Variants in RRH observed in about 807,000 individuals in gnomAD.
RRH encodes the protein visual pigment-like receptor peropsin.
In RRH, 36 loss-of-function variants were observed where a neutral mutation model predicts 33.1. The observed-to-expected ratio is 1.09, with a 90% CI of 0.83 to 1.44. The LOEUF (loss-of-function observed/expected upper bound fraction) is 1.44, where lower values mean the gene tolerates loss of function less well. Ranked by LOEUF, RRH falls within the 40% of genes most tolerant of loss-of-function variation. RRH has a pLI of 0.00. For missense variants in RRH, 393 were observed against 420.2 expected, an observed-to-expected ratio of 0.94 and a Z score of 0.57; for synonymous variants, 124 against 140.2, an observed-to-expected ratio of 0.88 and a Z score of 0.82.
chr4:109,836,057 A>G lies in RRH; in HGVS notation c.448A>G (p.Ile150Val), dbSNP rs749159602. 6.2e-7 allele frequency: 1 copy of G among 1,614,218 alleles called. No individual in the cohort carries two copies. The highest frequency in any genetic ancestry group is 8.5e-7 in the Non-Finnish European group (1 of 1,180,028). ...CATCGGCTTGATTCTGGGAGCCTGGATCAATGGCCTGTTTTGGGCTTTGAT... is the reference window on the plus strand; with the variant it reads ...CATCGGCTTGATTCTGGGAGCCTGGGTCAATGGCCTGTTTTGGGCTTTGAT... ...TYIGLILGAW[I>V]NGLFWALMPI... The change falls in exon 4 of 7, where the codon ATC becomes GTC. Residue 150 changes from isoleucine (I) to valine (V), a missense_variant. Ile to Val is a conservative substitution (Grantham distance 29, BLOSUM62 3). Transcript: ENST00000317735.
Position 109,837,453 on chromosome 4 carries a change from A to G in RRH, c.568A>G (p.Thr190Ala). ...TATTTTCAGATCTTTTGTGTCTTAC[A>G]CCATGACAGTTATTGCGATAAATTT... ...RKNDRSFVSYTMTVIAINFIV... is the reference protein window; with the variant it reads ...RKNDRSFVSYAMTVIAINFIV... Residue 190 changes from threonine (T) to alanine (A), a missense_variant, in exon 5 of 7, where the codon ACC becomes GCC. Physicochemically the swap from Thr to Ala is moderately conservative, Grantham distance 58. Coordinates refer to ENST00000317735, the MANE Select transcript of RRH (RefSeq NM_006583.5). 2 of 1,614,074 alleles carry G rather than the reference A, an allele frequency of 1.2e-6. No homozygotes were observed. Among genetic ancestry groups the G allele is most frequent in the Non-Finnish European group, 1.7e-6 (2 of 1,179,928 alleles).
Position 109,833,057 on chromosome 4 carries a change from G to T in RRH, c.107-82G>T, listed in dbSNP as rs1733791819. On this transcript the variant is annotated intron_variant, in intron 1 of 6. Transcript: ENST00000317735. ...AAAATAGATCTGTTATGTTTTTAAA[G>T]GGGCTTAAATATTTAATTTTGAGTC... 3 of 1,130,082 alleles carry T rather than the reference G, an allele frequency of 2.7e-6. No homozygotes were observed. In the Admixed American group the frequency reaches 5.4e-5, roughly 20 times the overall value. The allele number at this position is 1,130,082 out of a possible 1,614,324, so 70.0% of individuals were successfully genotyped here. A position where few individuals can be genotyped will look rare whatever the true frequency, so the allele number is the denominator to read the frequency against.
intron 5 of RRH, among the ~76,000 whole-genome samples, chr4:109,842,255 A>G (rs1265643649): frequency 2.6e-5 from 4 of 152,144 alleles, no homozygotes; most frequent in Non-Finnish European, 5.9e-5. Context: ...TATTCTTGAT[A>G]TACCCATTTC....
chr4:109,838,261 G>A (rs996791103), intron 5 of RRH, among the ~76,000 whole-genome samples: 4 of 152,004 alleles, frequency 2.6e-5, no homozygotes, highest in Admixed American at 2.6e-4. Flanking sequence ...ACAATATTTG[G>A]TTAGATAAAG....
chr4:109,835,002 G>A (rs556516358), intron 2 of RRH, among the ~76,000 whole-genome samples: 10 of 152,090 alleles, frequency 6.6e-5, no homozygotes, highest in South Asian at 2.1e-4. Context: ...TGAATACCCC[G>A]TTCATCATCT....
chr4:109,842,434 G>A (rs764774855), intron 5 of RRH, 35 bp from the exon 6 acceptor site: 4 of 1,571,238 alleles, frequency 2.5e-6, no homozygotes, highest in Non-Finnish European at 3.5e-6. Flanking sequence ...AAATATTTTA[G>A]GTATTGGGCT....
intron 5 of RRH, among the ~76,000 whole-genome samples, chr4:109,840,476 A>T (rs1208563301): frequency 6.6e-6 from 1 of 151,904 alleles, no homozygotes; most frequent in East Asian, 1.9e-4. Context: ...GTTTAATTAG[A>T]TCCTATTTGT....
At chr4:109,831,662 G>A (rs1285868540) in intron 1 of RRH, among the ~76,000 whole-genome samples, 3 of 152,134 alleles carry the variant, frequency 2.0e-5, no homozygotes, top group Non-Finnish European at 2.9e-5. Context: ...AGAAATATGA[G>A]TCAAGCATGG....
chr4:109,833,608 A>G (rs543530869), intron 2 of RRH, among the ~76,000 whole-genome samples: 1 of 152,304 alleles, frequency 6.6e-6, no homozygotes, highest in African/African-American at 2.4e-5. Flanking sequence ...TTGCATATTC[A>G]AATAAATATT....
chr4:109,828,197 A>G, intron 1 of RRH, 64 bp downstream of exon 1: 1 of 1,086,244 alleles, frequency 9.2e-7, no homozygotes, highest in Non-Finnish European at 1.4e-6. Context: ...AGTTTTCAGC[A>G]TAAGGCATGC....
Position 109,844,792 on chromosome 4 carries a change from C to A in RRH, c.*595C>A, listed in dbSNP as rs1238670677. 2.6e-5 allele frequency among the ~76,000 whole-genome samples: 4 copies of A among 152,146 alleles called. No homozygotes were observed. Among genetic ancestry groups the A allele is most frequent in the Non-Finnish European group, 5.9e-5 (4 of 68,018 alleles). The stretch of plus-strand genomic sequence containing the variant: ...TTCTGCAATTTTGAGTACCATTTTT[C>A]TGCATATATATTCCATATATTTGCC... On this transcript the variant is annotated 3_prime_UTR_variant, in exon 7 of 7. Coordinates refer to ENST00000317735, the MANE Select transcript of RRH (RefSeq NM_006583.5).
intron 3 of RRH, 56 bp downstream of exon 3, chr4:109,835,521 C>A: frequency 1.8e-6 from 2 of 1,138,368 alleles, no homozygotes; most frequent in Non-Finnish European, 2.7e-6. Flanking sequence ...AATGGCCACT[C>A]AATATATATA....
intron 1 of RRH, among the ~76,000 whole-genome samples, chr4:109,830,313 TGAAG>T (rs1346547962): frequency 6.6e-6 from 1 of 152,148 alleles, no homozygotes; most frequent in Non-Finnish European, 1.5e-5. Flanking sequence ...AGGGAGTCAC[TGAAG>T]GGTTTGAAAT....
intron 4 of RRH, among the ~76,000 whole-genome samples, chr4:109,836,684 G>A (rs1733890722): frequency 6.6e-6 from 1 of 152,152 alleles, no homozygotes; most frequent in African/African-American, 2.4e-5. Context: ...TAGTTCATTA[G>A]AGGAAATGAA....
chr4:109,835,472 C>A lies in RRH; in HGVS notation c.397+7C>A. 6.3e-7 allele frequency: 1 copy of A among 1,595,908 alleles called. No individual in the cohort carries two copies. Among genetic ancestry groups the A allele is most frequent in the Non-Finnish European group, 8.6e-7 (1 of 1,163,534 alleles). On this transcript the variant is annotated splice_region_variant and intron_variant, in intron 3 of 6. Transcript: ENST00000317735. Reference sequence around the variant, plus strand: ...ATCTGCCTTCCTGACGTAGGTACAACACTTTTCTCAGCTTTCTTAATGAAT... The same window carrying A: ...ATCTGCCTTCCTGACGTAGGTACAAAACTTTTCTCAGCTTTCTTAATGAAT...
At chr4:109,832,907 A>G (rs1201980615) in intron 1 of RRH, among the ~76,000 whole-genome samples, 1 of 152,198 alleles carries the variant, frequency 6.6e-6, no homozygotes, top group African/African-American at 2.4e-5. Context: ...ACCAACGTTC[A>G]GTGCTGCCTT....
intron 3 of RRH, 134 bp from the exon 4 acceptor site, chr4:109,835,873 C>A: frequency 2.1e-6 from 2 of 960,384 alleles, no homozygotes; most frequent in East Asian, 2.4e-5. Context: ...GTGTTGCACT[C>A]ATGTTTTGGC....
intron 5 of RRH, among the ~76,000 whole-genome samples, chr4:109,837,990 G>T (rs7698794): frequency 2.0e-5 from 3 of 152,018 alleles, no homozygotes; most frequent in Non-Finnish European, 4.4e-5. Flanking sequence ...TGTTGGGCCA[G>T]GCTGGTCTTG....
Position 109,828,100 on chromosome 4 carries a change from C to G in RRH, c.73C>G (p.His25Asp). ...EDGSVFSQTEHNIVATYLIMA... is the reference protein window; with the variant it reads ...EDGSVFSQTEDNIVATYLIMA... The stretch of plus-strand genomic sequence containing the variant: ...TGGCTCGGTCTTTTCACAGACTGAA[C>G]ACAATATTGTTGCAACTTACTTGAT... Residue 25 changes from histidine to aspartate, a missense_variant, in exon 1 of 7, where the codon CAC becomes GAC. His to Asp is a moderately conservative substitution (Grantham distance 81). Coordinates refer to ENST00000317735, the MANE Select transcript of RRH (RefSeq NM_006583.5). 2 of 1,611,872 alleles carry G rather than the reference C, an allele frequency of 1.2e-6. No individual in the cohort carries two copies. Among genetic ancestry groups the G allele is most frequent in the Admixed American group, 1.7e-5 (1 of 59,996 alleles).
Sources: gnomAD v4.1 joint callset for allele counts (sites outside exome capture counted in the v4.1 genomes callset) on GRCh38, gnomAD v4.1.1 for gene constraint, MANE v1.5 for transcripts, NCBI Gene and HGNC (gene_info 2026-07-23, HGNC 2026-07-21) for gene names.